CAPZB: variants seen among roughly 807,000 people sequenced by gnomAD.
CAPZB encodes the protein F-actin-capping protein subunit beta.
In CAPZB, 2 loss-of-function variants were observed where a neutral mutation model predicts 38.1. The ratio of observed to expected loss-of-function variants is 0.05; its 90% confidence interval spans 0.02 to 0.17. The LOEUF is 0.17. CAPZB is among the 10% of genes least tolerant of loss of function. The probability of loss-of-function intolerance (pLI) is 1.00; values close to 1 mark genes in which losing one functional copy is unlikely to be tolerated. For missense variants in CAPZB, 161 were observed against 334.2 expected (o/e 0.48, Z 4.04); for synonymous variants, 107 against 127.4 (o/e 0.84, Z 1.08).
chr1:19,372,100 G>A (rs569867586), intron 4 of CAPZB, among the ~76,000 whole-genome samples: 109 of 152,362 alleles, frequency 7.2e-4, no homozygotes, highest in African/African-American at 2.6e-3. Flanking sequence ...AAGGAGGGCT[G>A]ATTGGAAAAG....
chr1:19,409,915 G>A lies in CAPZB; in HGVS notation c.93+9746C>T, dbSNP rs182701343. On this transcript the variant is annotated intron_variant, in intron 2 of 8. Transcript: ENST00000264202. ...TTTGCTCTCTGGGTCTTTCATGTTC[G>A]TTTAATAGTTAATTCTTCAGTCCAT... is the stretch of plus-strand genomic sequence containing the variant. Among the ~76,000 whole-genome samples, 529 of 152,306 alleles carry A rather than the reference G, an allele frequency of 3.5e-3. 9 individuals carry two copies. The highest frequency in any genetic ancestry group is 0.03 in the Admixed American group (452 of 15,304).
At chr1:19,442,406 A>T (rs1454302450) in intron 1 of CAPZB, among the ~76,000 whole-genome samples, 1 of 152,166 alleles carries the variant, frequency 6.6e-6, no homozygotes, top group Non-Finnish European at 1.5e-5. Flanking sequence ...TAACTGCTGA[A>T]GTTGAGTGAC....
chr1:19,451,289 T>C (rs1405128238), intron 1 of CAPZB, among the ~76,000 whole-genome samples: 1 of 151,938 alleles, frequency 6.6e-6, no homozygotes, highest in Non-Finnish European at 1.5e-5. Flanking sequence ...ACTGGAGTCA[T>C]GGGACAAAAA....
Position 19,446,738 on chromosome 1 carries a change from G to A in CAPZB, c.4-26988C>T, listed in dbSNP as rs183097884. On this transcript the variant is annotated intron_variant, in intron 1 of 8. Transcript: ENST00000264202. ...GGAAAATGTTTTATGTTTAATTAGC[G>A]AAACTGAATATAAAAATTTACTATC... is the stretch of plus-strand genomic sequence containing the variant. 3.6e-4 allele frequency among the ~76,000 whole-genome samples: 55 copies of A among 152,214 alleles called. No individual in the cohort carries two copies. The East Asian group carries it at 6.0e-3, about 17-fold the overall frequency.
At position 19,356,656 on chromosome 1, in the gene CAPZB, G is replaced by A. The variant is rs1399004830; in HGVS notation, c.567C>T (p.Leu189=). The A allele has an allele frequency of 1.5e-5, 24 of 1,613,686 alleles. No homozygotes were observed. Among genetic ancestry groups the A allele is most frequent in the Non-Finnish European group, 1.8e-5 (21 of 1,179,596 alleles). The change falls in exon 6 of 9, where the codon CTC becomes CTT. Residue 189 remains leucine, a synonymous_variant. Coordinates refer to ENST00000264202, the MANE Select transcript of CAPZB (RefSeq NM_004930.5). This position sits in a 1 kb window ranked among gnomAD's most constrained non-coding sequence, Gnocchi z 4.3. ...CTACCTGTCTGGTAAGGCTGCCTCC[G>A]AGGTTCATGGTGCCAGAGCCAGATT... is the stretch of plus-strand genomic sequence containing the variant. ...TNKSGSGTMN[L]GGSLTRQMEK...
At chr1:19,422,606 G>A (rs189915397) in intron 1 of CAPZB, among the ~76,000 whole-genome samples, 12 of 152,082 alleles carry the variant, frequency 7.9e-5, no homozygotes, top group African/African-American at 1.9e-4. Context: ...GCGTGGTGGC[G>A]GGCGCCTGTA....
intron 4 of CAPZB, 109 bp downstream of exon 4, chr1:19,378,431 C>G (rs1386577478): frequency 1.4e-6 from 1 of 709,268 alleles, no homozygotes; most frequent in Admixed American, 2.1e-5. Flanking sequence ...GTAACAGATT[C>G]AAGGGAGAAT....
intron 1 of CAPZB, among the ~76,000 whole-genome samples, chr1:19,432,115 A>G (rs1462214386): frequency 6.6e-6 from 1 of 151,916 alleles, no homozygotes; most frequent in African/African-American, 2.4e-5. Flanking sequence ...ATTCTACATT[A>G]TTAGCATTAA....
chr1:19,339,489 TA>T lies in CAPZB; in HGVS notation c.*40del. On this transcript the variant is annotated 3_prime_UTR_variant, in exon 9 of 9. Coordinates refer to ENST00000264202, the MANE Select transcript of CAPZB (RefSeq NM_004930.5). ...AAACGAGTTTTCTAAGAAAGGAATC[TA>T]ACGAGTGCACGGCGTGTCTGGTTAG... is the stretch of plus-strand genomic sequence containing the variant. 6.9e-7 allele frequency: 1 copy of T among 1,450,174 alleles called. No homozygotes were observed. The highest frequency in any genetic ancestry group is 9.7e-7 in the Non-Finnish European group (1 of 1,030,450). 89.8% of individuals were successfully genotyped at this position (1,450,174 alleles called of 1,614,324 possible). A position where few individuals can be genotyped will look rare whatever the true frequency, so the allele number is the denominator to read the frequency against.
chr1:19,361,961 T>C (rs2094055089), intron 4 of CAPZB, among the ~76,000 whole-genome samples: 1 of 152,160 alleles, frequency 6.6e-6, no homozygotes, highest in Admixed American at 6.5e-5. Flanking sequence ...TCCATGTGAG[T>C]GAATGATCAA....
At chr1:19,345,113 G>T in intron 7 of CAPZB, 74 bp downstream of exon 7, 1 of 1,147,958 alleles carries the variant, frequency 8.7e-7, no homozygotes, top group Non-Finnish European at 1.3e-6. Context: ...AAGGAGGCCA[G>T]CACAGCGGCT....
In CAPZB at chr1:19,485,527, C is replaced by T. The variant is rs2094648754; in HGVS notation, c.-89G>A. ...CGGCGCTTCCACTTCCCCGGGTGCC[C>T]AGGAGTGAACATCCGGGTCAGCACC... On this transcript the variant is annotated 5_prime_UTR_variant, in exon 1 of 9. Transcript: ENST00000264202. 5 of 1,085,164 alleles carry T rather than the reference C, an allele frequency of 4.6e-6. No individual in the cohort carries two copies. Among genetic ancestry groups the T allele is most frequent in the East Asian group, 3.3e-5 (1 of 30,700 alleles). The allele number at this position is 1,085,164 out of a possible 1,614,324, so 67.2% of individuals were successfully genotyped here.
chr1:19,393,716 G>A (rs576526873), intron 2 of CAPZB, among the ~76,000 whole-genome samples: 53 of 152,354 alleles, frequency 3.5e-4, no homozygotes, highest in African/African-American at 1.1e-3. Flanking sequence ...CCAAGTGCCC[G>A]GTCACGGCAG....
At chr1:19,358,793 A>C (rs992162602) in intron 4 of CAPZB, among the ~76,000 whole-genome samples, 2 of 152,226 alleles carry the variant, frequency 1.3e-5, no homozygotes, top group Non-Finnish European at 2.9e-5. Flanking sequence ...ACACCTATTA[A>C]GCCCCAAAGC....
intron 2 of CAPZB, among the ~76,000 whole-genome samples, chr1:19,409,557 C>T (rs2100426861): frequency 6.6e-6 from 1 of 152,300 alleles, no homozygotes; most frequent in South Asian, 2.1e-4. Flanking sequence ...TTGATGGAGG[C>T]AATGCCATGT....
chr1:19,405,428 G>T (rs2094326109), intron 2 of CAPZB, among the ~76,000 whole-genome samples: 1 of 150,602 alleles, frequency 6.6e-6, no homozygotes, highest in Non-Finnish European at 1.5e-5. Context: ...GACTAGGAAG[G>T]TCAATGAGAC....
intron 4 of CAPZB, among the ~76,000 whole-genome samples, chr1:19,370,329 C>T (rs2094113227): frequency 6.6e-6 from 1 of 152,212 alleles, no homozygotes; most frequent in African/African-American, 2.4e-5. Context: ...CGGAATGTGG[C>T]ACAAAGTTGC....
intron 4 of CAPZB, among the ~76,000 whole-genome samples, chr1:19,371,421 G>T (rs10753558): frequency 3.0e-4 from 45 of 152,212 alleles, no homozygotes; most frequent in African/African-American, 1.0e-3. Flanking sequence ...GACGCAAGGC[G>T]TGAGTGCAGC....
intron 1 of CAPZB, among the ~76,000 whole-genome samples, chr1:19,461,848 T>C (rs980058059): frequency 9.9e-5 from 15 of 152,164 alleles, no homozygotes; most frequent in African/African-American, 3.6e-4. Flanking sequence ...ACTAGGATAA[T>C]AACACCTAGC....
Sources: allele counts gnomAD v4.1 joint callset (sites outside exome capture counted in the v4.1 genomes callset), GRCh38; gene constraint gnomAD v4.1.1; non-coding constraint Gnocchi (gnomAD v3.1); transcripts MANE v1.5; gene names NCBI Gene and HGNC (gene_info 2026-07-23, HGNC 2026-07-21).